The following ST7 variants were observed in gnomAD, a reference collection of about 807,000 sequenced individuals.
ST7 encodes the protein suppressor of tumorigenicity 7 protein.
A neutral mutation model predicts 78.7 loss-of-function variants in ST7; 28 were observed. That is an observed-to-expected ratio of 0.36 (90% CI 0.26 to 0.49). The LOEUF (loss-of-function observed/expected upper bound fraction) is 0.49. Among genes scored for constraint, ST7 ranks in the 20% least tolerant of loss-of-function variants. ST7 has a pLI of 0.99. For missense variants in ST7, 418 were observed against 696.0 expected (o/e 0.60, Z 4.49); for synonymous variants, 247 against 249.6 (o/e 0.99, Z 0.10).
intron 12 of ST7, among the ~76,000 whole-genome samples, chr7:117,208,917 GTGTGTGT>G: frequency 6.6e-6 from 1 of 150,806 alleles, no homozygotes; most frequent in East Asian, 1.9e-4. Context: ...GTGTGTGTGT[GTGTGTGT>G]GTGTGTGTGT....
chr7:117,047,691 A>T (rs1223945760), intron 1 of ST7, among the ~76,000 whole-genome samples: 1 of 152,220 alleles, frequency 6.6e-6, no homozygotes, highest in Non-Finnish European at 1.5e-5. Context: ...TAGCTAGCTT[A>T]ATACCAGGTG....
rs1809704890 is a variant in ST7 at position 117,190,801 on chromosome 7, C to T, written c.1152-33C>T. ...CGGGTTGATGCCCAAGCAGTGGTCC[C>T]ACCTGGATGGTTTTTGTCTTTCTGC... On this transcript the variant is annotated intron_variant, in intron 11 of 15. Coordinates refer to ENST00000323984, the MANE Select transcript of ST7 (RefSeq NM_001369598.1). The surrounding 1 kb of genome is among the most constrained non-coding windows in gnomAD (Gnocchi z 5.2). 6.3e-7 allele frequency: 1 copy of T among 1,584,716 alleles called. No homozygotes were observed. Among genetic ancestry groups the T allele is most frequent in the African/African-American group, 1.3e-5 (1 of 74,270 alleles).
At chr7:117,138,244 C>T (rs1452601927) in intron 8 of ST7, among the ~76,000 whole-genome samples, 191 bp from the exon 9 acceptor site, 1 of 152,058 alleles carries the variant, frequency 6.6e-6, no homozygotes, top group African/African-American at 2.4e-5. Context: ...CATCCTCACT[C>T]AAAAGCATGG....
intron 1 of ST7, among the ~76,000 whole-genome samples, chr7:116,982,014 GTAAT>G (rs1793980989): frequency 6.6e-6 from 1 of 151,990 alleles, no homozygotes; most frequent in Admixed American, 6.6e-5. Context: ...TACAAAGTGA[GTAAT>G]TAGTTGTGCT....
intron 15 of ST7, among the ~76,000 whole-genome samples, chr7:117,227,224 T>C (rs1793504575): frequency 6.6e-6 from 1 of 152,226 alleles, no homozygotes; most frequent in Admixed American, 6.5e-5. Flanking sequence ...CTTTGAGCGA[T>C]GCCTGTTATC....
intron 15 of ST7, chr7:117,223,053 G>T: frequency 9.2e-7 from 1 of 1,089,042 alleles, no homozygotes; most frequent in East Asian, 2.4e-5. Context: ...CATCCACCCC[G>T]TTGCTCAAGC....
chr7:117,214,931 T>C (rs1792574928), intron 13 of ST7, among the ~76,000 whole-genome samples: 1 of 122,052 alleles, frequency 8.2e-6, no homozygotes, highest in East Asian at 2.1e-4. Flanking sequence ...TGTGTGTGTG[T>C]GTGTGTGTGT....
At chr7:117,066,118 C>G (rs1013386352) in intron 1 of ST7, among the ~76,000 whole-genome samples, 1 of 152,170 alleles carries the variant, frequency 6.6e-6, no homozygotes, top group African/African-American at 2.4e-5. Flanking sequence ...CATGTTTTTT[C>G]TCTCTCCTGA....
chr7:117,029,082 A>G (rs1367516476), intron 1 of ST7, among the ~76,000 whole-genome samples: 7 of 152,218 alleles, frequency 4.6e-5, no homozygotes, highest in Non-Finnish European at 8.8e-5. Context: ...TGCTGCATAT[A>G]TAAATATTTG....
At chr7:117,005,433 C>A (rs188083642) in intron 1 of ST7, among the ~76,000 whole-genome samples, 1 of 152,188 alleles carries the variant, frequency 6.6e-6, no homozygotes, top group African/African-American at 2.4e-5. Context: ...TGGTAAGCCA[C>A]AAATGTCCCC....
intron 1 of ST7, among the ~76,000 whole-genome samples, chr7:116,993,426 T>C (rs978214197): frequency 6.6e-6 from 1 of 152,136 alleles, no homozygotes; most frequent in Non-Finnish European, 1.5e-5. Flanking sequence ...GTAAGACTTG[T>C]TCACTACCAT....
chr7:117,158,225 G>T (rs1806857516), intron 9 of ST7, among the ~76,000 whole-genome samples: 1 of 152,214 alleles, frequency 6.6e-6, no homozygotes, highest in Admixed American at 6.5e-5. Flanking sequence ...GTTTTGACCA[G>T]ATTTGCTTGT....
intron 1 of ST7, among the ~76,000 whole-genome samples, chr7:117,044,026 C>T (rs1214379232): frequency 6.6e-6 from 1 of 152,198 alleles, no homozygotes; most frequent in Non-Finnish European, 1.5e-5. Context: ...GCATCTTGAA[C>T]CACTCTGCCT....
At chr7:117,226,148 C>T (rs569744703) in intron 15 of ST7, among the ~76,000 whole-genome samples, 1 of 152,102 alleles carries the variant, frequency 6.6e-6, no homozygotes, top group Non-Finnish European at 1.5e-5. Context: ...TGTCAATTGT[C>T]TGATTGCAGT....
intron 9 of ST7, among the ~76,000 whole-genome samples, chr7:117,154,561 G>T (rs546467494): frequency 4.4e-4 from 67 of 152,166 alleles, no homozygotes; most frequent in Non-Finnish European, 1.5e-4. Context: ...TTAGATAGAA[G>T]ACAGGGTCAT....
chr7:117,129,403 G>A (rs768772360), intron 3 of ST7, among the ~76,000 whole-genome samples: 4 of 151,886 alleles, frequency 2.6e-5, no homozygotes, highest in Non-Finnish European at 5.9e-5. Context: ...CATGTACAAC[G>A]TTATTATGAG....
chr7:117,175,678 GTAACTT>G, intron 10 of ST7, among the ~76,000 whole-genome samples: 1 of 152,328 alleles, frequency 6.6e-6, no homozygotes, highest in Non-Finnish European at 1.5e-5. Context: ...GAAAGGCTAA[GTAACTT>G]GCCCAAGATC....
intron 15 of ST7, chr7:117,223,001 C>T (rs1362299223): frequency 1.9e-5 from 29 of 1,550,668 alleles, no homozygotes; most frequent in Non-Finnish European, 2.3e-5. Flanking sequence ...CCTCTTCCCC[C>T]ACCACCAAAA....
At chr7:116,993,522 C>T (rs1228200668) in intron 1 of ST7, among the ~76,000 whole-genome samples, 1 of 152,144 alleles carries the variant, frequency 6.6e-6, no homozygotes, top group Non-Finnish European at 1.5e-5. Flanking sequence ...TATGGGAGTA[C>T]AATTCAAGAT....
Sources: allele counts gnomAD v4.1 joint callset (sites outside exome capture counted in the v4.1 genomes callset), GRCh38; gene constraint gnomAD v4.1.1; non-coding constraint Gnocchi (gnomAD v3.1); transcripts MANE v1.5; gene names NCBI Gene and HGNC (gene_info 2026-07-23, HGNC 2026-07-21).